The following NAA35 variants were observed in gnomAD, a reference collection of about 807,000 sequenced individuals.
The protein encoded by NAA35 is N-alpha-acetyltransferase 35, NatC auxiliary subunit.
A neutral mutation model predicts 101.7 loss-of-function variants in NAA35; 18 were observed. The observed-to-expected ratio is 0.18, with a 90% CI of 0.12 to 0.26. NAA35 has a LOEUF of 0.26. NAA35 is among the 10% of genes least tolerant of loss of function. The pLI is 1.00. For missense variants in NAA35, 601 were observed against 886.8 expected, an observed-to-expected ratio of 0.68 and a Z score of 4.09; for synonymous variants, 267 against 273.1, an observed-to-expected ratio of 0.98 and a Z score of 0.22.
intron 2 of NAA35, among the ~76,000 whole-genome samples, chr9:85,952,931 C>T (rs112607831): frequency 6.0e-4 from 92 of 152,298 alleles, no homozygotes; most frequent in African/African-American, 2.2e-3. Context: ...CCATCTTAGG[C>T]CAGGCGTGAT....
chr9:85,992,844 T>C (rs1002340226), intron 11 of NAA35, among the ~76,000 whole-genome samples: 1 of 152,254 alleles, frequency 6.6e-6, no homozygotes, highest in African/African-American at 2.4e-5. Flanking sequence ...TTCTGATGGC[T>C]GTATTGTGAT....
rs184978009 is a variant in NAA35, at chr9:86,024,490, A to G, written c.*2530A>G. Among the ~76,000 whole-genome samples the G allele has an allele frequency of 6.8e-4, 103 of 152,282 alleles. No individual in the cohort carries two copies. The highest frequency in any genetic ancestry group is 5.5e-3 in the Admixed American group (84 of 15,294). On this transcript the variant is annotated 3_prime_UTR_variant, in exon 23 of 23. Transcript: ENST00000361671. ...GGATCAAGTCAAATCTGCTTGCCTGAGAATGGTTGAAAAGGGAGGCAGGGA... is the reference window on the plus strand; with the variant it reads ...GGATCAAGTCAAATCTGCTTGCCTGGGAATGGTTGAAAAGGGAGGCAGGGA...
chr9:85,962,082 T>A lies in NAA35; in HGVS notation c.418T>A (p.Phe140Ile). The A allele has an allele frequency of 6.2e-7, 1 of 1,614,144 alleles. No individual in the cohort carries two copies. Among genetic ancestry groups the A allele is most frequent in the Non-Finnish European group, 8.5e-7 (1 of 1,180,000 alleles). The part of the protein sequence containing the change: ...FTCLYIHNPD[F>I]IEDPAMKAFA... ...GTGCCTTTACATTCATAATCCAGAC[T>A]TTATAGAAGATCCTGCTATGAAGGC... is the stretch of plus-strand genomic sequence containing the variant. Residue 140 changes from phenylalanine (F) to isoleucine (I), a missense_variant, in exon 6 of 23, where the codon TTT (phenylalanine) becomes ATT (isoleucine). Physicochemically the swap from Phe to Ile is conservative, Grantham distance 21. Coordinates refer to ENST00000361671, the MANE Select transcript of NAA35 (RefSeq NM_024635.4).
chr9:85,967,613 T>C (rs1829815413), intron 6 of NAA35, among the ~76,000 whole-genome samples: 1 of 152,112 alleles, frequency 6.6e-6, no homozygotes, highest in Non-Finnish European at 1.5e-5. Flanking sequence ...CCATCCTGGC[T>C]AACACAGTGA....
chr9:85,962,543 A>G (rs556237809), intron 6 of NAA35, among the ~76,000 whole-genome samples: 23 of 151,390 alleles, frequency 1.5e-4, no homozygotes, highest in Admixed American at 4.6e-4. Context: ...TTCATTGACT[A>G]CCTTATTCAC....
chr9:85,978,686 A>T (rs1830315679), intron 11 of NAA35, among the ~76,000 whole-genome samples: 1 of 152,188 alleles, frequency 6.6e-6, no homozygotes, highest in Non-Finnish European at 1.5e-5. Context: ...CGCAATGAGA[A>T]CAGCAGAGAA....
chr9:85,989,888 G>T (rs1830828340), intron 11 of NAA35, among the ~76,000 whole-genome samples: 1 of 152,224 alleles, frequency 6.6e-6, no homozygotes, highest in South Asian at 2.1e-4. Context: ...ACTGGTTAAA[G>T]CTGAGAAATC....
At chr9:85,973,426 C>T (rs1299025968) in intron 6 of NAA35, among the ~76,000 whole-genome samples, 1 of 152,006 alleles carries the variant, frequency 6.6e-6, no homozygotes, top group Non-Finnish European at 1.5e-5. Flanking sequence ...GAGGTGGTTA[C>T]AAGAGTGAGC....
intron 11 of NAA35, chr9:85,986,423 T>G: frequency 2.1e-6 from 1 of 470,206 alleles, no homozygotes; most frequent in Non-Finnish European, 4.4e-6. Flanking sequence ...GTGGTTACAG[T>G]GCTACTTGTT....
In NAA35 at chr9:85,977,373, G is replaced by A; in HGVS notation, c.689G>A (p.Cys230Tyr). Reference sequence around the variant, plus strand: ...TTCTTGTTTTTTTAGCACCAACAATGTTTAGCAGTATTCAGCAGAGTGAAA... The same window carrying A: ...TTCTTGTTTTTTTAGCACCAACAATATTTAGCAGTATTCAGCAGAGTGAAA... ...DPEVELEHQQCLAVFSRVKFT... is the reference protein window; with the variant it reads ...DPEVELEHQQYLAVFSRVKFT... The change falls in exon 10 of 23, where the codon TGT (cysteine) becomes TAT (tyrosine). Residue 230 changes from cysteine (C) to tyrosine (Y), a missense_variant. By Grantham distance (194) the Cys-to-Tyr change is radical. This residue lies in a region of NAA35 where 86 missense variants were observed against 169.4 expected (regional missense o/e 0.51). Transcript: ENST00000361671. 1 of 1,611,472 alleles carries A rather than the reference G, an allele frequency of 6.2e-7. No homozygotes were observed. The highest frequency in any genetic ancestry group is 8.5e-7 in the Non-Finnish European group (1 of 1,178,112).
In NAA35 at chr9:85,963,263, C is replaced by CTTTTT. The variant is rs527736196; in HGVS notation, c.516+1103_516+1107dup. Reference sequence around the variant, plus strand: ...TGTTTGTCCATATTTGAAGGTATGGCTTTTTTTTTTTTTTTTTTTTTTTTG... The same window carrying CTTTTT: ...TGTTTGTCCATATTTGAAGGTATGGCTTTTTTTTTTTTTTTTTTTTTTTTTTTTTG... On this transcript the variant is annotated intron_variant, in intron 6 of 22. Coordinates refer to ENST00000361671, the MANE Select transcript of NAA35 (RefSeq NM_024635.4). Among the ~76,000 whole-genome samples the CTTTTT allele has an allele frequency of 1.1e-3, 83 of 72,282 alleles. 1 individual carries two copies. The highest frequency in any genetic ancestry group is 1.4e-3 in the Non-Finnish European group (58 of 40,284). The allele number at this position is 72,282 out of a possible 152,430, so 47.4% of individuals were successfully genotyped here. A position where few individuals can be genotyped will look rare whatever the true frequency, so the allele number is the denominator to read the frequency against.
intron 14 of NAA35, among the ~76,000 whole-genome samples, chr9:86,007,922 G>A (rs1831720411): frequency 6.6e-6 from 1 of 152,060 alleles, no homozygotes; most frequent in Non-Finnish European, 1.5e-5. Context: ...TCCACTGAAA[G>A]ATACACGATG....
chr9:85,978,411 T>C (rs752067635), intron 11 of NAA35, 30 bp downstream of exon 11: 1 of 1,411,570 alleles, frequency 7.1e-7, no homozygotes, highest in South Asian at 1.1e-5. Flanking sequence ...CTACTCTTTC[T>C]TTTCTTCGTT....
chr9:85,993,331 C>G (rs1015402143), intron 11 of NAA35, among the ~76,000 whole-genome samples: 1 of 152,186 alleles, frequency 6.6e-6, no homozygotes, highest in South Asian at 2.1e-4. Flanking sequence ...CACCACCACA[C>G]CTGGCTAATT....
chr9:85,956,366 A>T lies in NAA35; in HGVS notation c.131A>T (p.Lys44Met). The change falls in exon 3 of 23, where the codon AAG becomes ATG. Residue 44 changes from lysine (K) to methionine (M), a missense_variant. Around this residue, in one of 8 missense-constraint regions of NAA35, gnomAD observed 67 missense variants for 62.4 expected, o/e 1.07. Coordinates refer to ENST00000361671, the MANE Select transcript of NAA35 (RefSeq NM_024635.4). ...QDFEEACREL[K>M]LGELLHDKLF... Reference sequence around the variant, plus strand: ...TTTCTCTTTTTTTTTTTAGAATTAAAGTTGGGAGAACTACTTCATGATAAG... The same window carrying T: ...TTTCTCTTTTTTTTTTTAGAATTAATGTTGGGAGAACTACTTCATGATAAG... The T allele has an allele frequency of 7.2e-7, 1 of 1,387,352 alleles. No homozygotes were observed. Among genetic ancestry groups the T allele is most frequent in the Admixed American group, 2.4e-5 (1 of 41,662 alleles). The allele number at this position is 1,387,352 out of a possible 1,614,324, so 85.9% of individuals were successfully genotyped here.
intron 2 of NAA35, among the ~76,000 whole-genome samples, chr9:85,947,598 G>A (rs1455507230): frequency 6.6e-6 from 1 of 152,122 alleles, no homozygotes; most frequent in Non-Finnish European, 1.5e-5. Context: ...TCACCTCAAG[G>A]GGCATTAATG....
In NAA35 at chr9:85,996,496, G is replaced by T; in HGVS notation, c.975G>T (p.Met325Ile). The change falls in exon 12 of 23, where the codon ATG becomes ATT. Residue 325 changes from methionine (M) to isoleucine (I), a missense_variant. Around this residue, in one of 8 missense-constraint regions of NAA35, gnomAD observed 190 missense variants for 223.1 expected, o/e 0.85. Transcript: ENST00000361671. Reference sequence around the variant, plus strand: ...CAAAAATAATTAAAAGGGAAGAAATGGTGAACTATTTTGCAAGATTAATAG... The same window carrying T: ...CAAAAATAATTAAAAGGGAAGAAATTGTGAACTATTTTGCAAGATTAATAG... ...RYAKIIKREE[M>I]VNYFARLIDR... 3.7e-6 allele frequency: 6 copies of T among 1,605,916 alleles called. No individual in the cohort carries two copies. The highest frequency in any genetic ancestry group is 4.2e-6 in the Non-Finnish European group (5 of 1,177,242).
rs144208502 is a variant in NAA35 at position 86,016,057 on chromosome 9, T to G, written c.1569-482T>G. ...TATCTCGTAGATTTGAAGACTTTTCTGGCTTAGCAGTGTTAAAGTTCTGAA... is the reference window on the plus strand; with the variant it reads ...TATCTCGTAGATTTGAAGACTTTTCGGGCTTAGCAGTGTTAAAGTTCTGAA... On this transcript the variant is annotated intron_variant, in intron 17 of 22. Transcript: ENST00000361671. 5.9e-3 allele frequency among the ~76,000 whole-genome samples: 902 copies of G among 152,012 alleles called. 11 individuals carry two copies. The highest frequency in any genetic ancestry group is 0.019 in the African/African-American group (807 of 41,500).
chr9:85,950,734 G>A (rs761296710), intron 2 of NAA35, among the ~76,000 whole-genome samples: 7 of 151,934 alleles, frequency 4.6e-5, no homozygotes, highest in South Asian at 2.1e-4. Flanking sequence ...CAAACTTTTC[G>A]GTCTTAGGAC....
Sources: allele counts gnomAD v4.1 joint callset (sites outside exome capture counted in the v4.1 genomes callset), GRCh38; gene constraint gnomAD v4.1.1; regional missense constraint gnomAD v4.1.1; transcripts MANE v1.5; gene names NCBI Gene and HGNC (gene_info 2026-07-23, HGNC 2026-07-21).